The following TSHZ3 variants were observed in gnomAD, a reference collection of about 807,000 sequenced individuals.
TSHZ3 encodes teashirt zinc finger homeobox 3.
Under a neutral mutation model 64.5 loss-of-function variants are expected in TSHZ3, and 10 were observed. The observed-to-expected ratio is 0.16, with a 90% CI of 0.10 to 0.26. The LOEUF (loss-of-function observed/expected upper bound fraction) is 0.26. Ranked by LOEUF, TSHZ3 falls within the 10% of genes least tolerant of loss-of-function variation. The pLI, the probability that TSHZ3 is intolerant of heterozygous loss-of-function variation, is 1.00. For missense variants in TSHZ3, 1,242 were observed against 1,421.7 expected (o/e 0.87, Z 2.03); for synonymous variants, 608 against 593.1 (o/e 1.03, Z -0.36).
At chr19:31,169,247 T>C (rs1393404502) in intron 5 of TSHZ3, among the ~76,000 whole-genome samples, 5 of 152,142 alleles carry the variant, frequency 3.3e-5, no homozygotes, top group Non-Finnish European at 7.4e-5. Context: ...ATATTAAACA[T>C]AGAATAACCA....
chr19:31,161,586 G>A (rs149799504), intron 5 of TSHZ3, among the ~76,000 whole-genome samples: 1 of 152,112 alleles, frequency 6.6e-6, no homozygotes, highest in Non-Finnish European at 1.5e-5. Flanking sequence ...CATAAGAGAT[G>A]TTCTCTGAGT....
chr19:31,153,189 T>C (rs908663558), intron 6 of TSHZ3, among the ~76,000 whole-genome samples: 1 of 152,170 alleles, frequency 6.6e-6, no homozygotes, highest in Non-Finnish European at 1.5e-5. Flanking sequence ...CCGTGTGACA[T>C]AAGATACTGA....
chr19:31,209,494 G>A (rs1975232666), intron 4 of TSHZ3, among the ~76,000 whole-genome samples: 1 of 152,132 alleles, frequency 6.6e-6, no homozygotes, highest in Admixed American at 6.5e-5. Flanking sequence ...CCCTAAGTGG[G>A]GATACTAGGA....
chr19:31,336,189 A>G (rs1020307214), intron 1 of TSHZ3, among the ~76,000 whole-genome samples: 2 of 152,224 alleles, frequency 1.3e-5, no homozygotes, highest in African/African-American at 4.8e-5. Context: ...AACTCCAGAT[A>G]TGCCACTTTC....
chr19:31,226,977 C>CTTTTTTT lies in TSHZ3; in HGVS notation n.686+1021_686+1027dup, dbSNP rs3030229. On this transcript the variant is annotated intron_variant and non_coding_transcript_variant, in intron 4 of 6. Transcript: ENST00000651361. ...TTTTCTTCTCTTTCTTTCTTTCTTT[C>CTTTTTTT]TTTTTTTTTTTTTTTTTTTGAGATG... 4.0e-3 allele frequency among the ~76,000 whole-genome samples: 260 copies of CTTTTTTT among 65,608 alleles called. 15 individuals are homozygous for CTTTTTTT. Among genetic ancestry groups the CTTTTTTT allele is most frequent in the African/African-American group, 0.012 (124 of 10,306 alleles). The allele number at this position is 65,608 out of a possible 152,430, so 43.0% of individuals were successfully genotyped here.
chr19:31,180,118 T>A (rs1268050022), intron 5 of TSHZ3, among the ~76,000 whole-genome samples: 2 of 152,168 alleles, frequency 1.3e-5, no homozygotes, highest in Non-Finnish European at 2.9e-5. Flanking sequence ...TACCCCTCTG[T>A]GAGCTCCTCT....
chr19:31,155,140 C>T (rs1974289724), intron 6 of TSHZ3, among the ~76,000 whole-genome samples: 1 of 152,220 alleles, frequency 6.6e-6, no homozygotes. Flanking sequence ...CAATCACCTG[C>T]ACTGTCTCCA....
At position 31,198,482 on chromosome 19, in the gene TSHZ3, G is replaced by A. The variant is rs549394135; in HGVS notation, n.809+6474C>T. Among the ~76,000 whole-genome samples, 3 of 151,928 alleles carry A rather than the reference G, an allele frequency of 2.0e-5. No individual in the cohort carries two copies. The South Asian group carries it at 6.2e-4, about 32-fold the overall frequency. On this transcript the variant is annotated intron_variant and non_coding_transcript_variant, in intron 5 of 6. Coordinates refer to the TSHZ3 transcript ENST00000651361. ...AAATAAAATATATAAATGATGGGAA[G>A]GAGGAAATGAAATTGTCTTTTTCAC...
At chr19:31,274,705 T>C (rs1406474864), downstream of TSHZ3, among the ~76,000 whole-genome samples, 5 of 151,878 alleles carry the variant, frequency 3.3e-5, no homozygotes, top group Non-Finnish European at 7.4e-5. Flanking sequence ...CATATCTTCC[T>C]TTCTTGTGAA....
intron 1 of TSHZ3, among the ~76,000 whole-genome samples, chr19:31,305,996 C>T (rs1916279760): frequency 6.6e-6 from 1 of 152,130 alleles, no homozygotes; most frequent in Non-Finnish European, 1.5e-5. Context: ...AGCATGATCA[C>T]AGATTTGTTT....
chr19:31,265,411 AAAAAAAAAAGAAAGAAAG>A (rs2145201979), intron 1 of TSHZ3, among the ~76,000 whole-genome samples: 1 of 150,018 alleles, frequency 6.7e-6, no homozygotes, highest in East Asian at 1.9e-4. Flanking sequence ...AAAAAAAAAA[AAAAAAAAAAGAAAGAAAG>A]AAAGAAAAAG....
At chr19:31,347,786 T>C (rs939212037) in intron 1 of TSHZ3, among the ~76,000 whole-genome samples, 2 of 152,112 alleles carry the variant, frequency 1.3e-5, no homozygotes, top group African/African-American at 4.8e-5. Flanking sequence ...GCAAGTACAT[T>C]TCTGGGAGAA....
chr19:31,200,614 G>A (rs1209141811), intron 5 of TSHZ3, among the ~76,000 whole-genome samples: 1 of 152,166 alleles, frequency 6.6e-6, no homozygotes, highest in Non-Finnish European at 1.5e-5. Context: ...AGGATATTTA[G>A]GGGAGTGAAA....
At chr19:31,196,282 A>G (rs527938794) in intron 5 of TSHZ3, among the ~76,000 whole-genome samples, 1 of 152,104 alleles carries the variant, frequency 6.6e-6, no homozygotes, top group African/African-American at 2.4e-5. Context: ...TATATTGCAA[A>G]CTCTATGGCA....
At chr19:31,244,499 C>A (rs1975734235) in intron 1 of TSHZ3, among the ~76,000 whole-genome samples, 1 of 152,148 alleles carries the variant, frequency 6.6e-6, no homozygotes, top group Admixed American at 6.5e-5. Flanking sequence ...ATAAATTGCC[C>A]ACTCTCAGGT....
upstream of TSHZ3, among the ~76,000 whole-genome samples, chr19:31,350,562 T>A (rs1455513256): frequency 6.6e-6 from 1 of 150,950 alleles, no homozygotes; most frequent in African/African-American, 2.4e-5. Flanking sequence ...CGCCGCGCCG[T>A]GTCCCGCGCC....
chr19:31,163,156 G>A lies in TSHZ3; in HGVS notation n.810-6739C>T, dbSNP rs117661883. Among the ~76,000 whole-genome samples the A allele has an allele frequency of 2.2e-3, 332 of 152,272 alleles. 9 individuals are homozygous for A. In the East Asian group the frequency reaches 0.058, roughly 27 times the overall value. ...CTTACAGAAAGGATAAGCTTTGTTG[G>A]AAAAGAATGTAATCTTTGGCCTATT... is the stretch of plus-strand genomic sequence containing the variant. On this transcript the variant is annotated intron_variant and non_coding_transcript_variant, in intron 5 of 6. Coordinates refer to the TSHZ3 transcript ENST00000651361.
At chr19:31,226,834 G>C (rs1042636154) in intron 4 of TSHZ3, among the ~76,000 whole-genome samples, 10 of 151,872 alleles carry the variant, frequency 6.6e-5, no homozygotes, top group Admixed American at 5.9e-4. Context: ...TAAATTTTAA[G>C]GTCACATATA....
chr19:31,311,970 C>T (rs765980891), intron 1 of TSHZ3, among the ~76,000 whole-genome samples: 11 of 152,166 alleles, frequency 7.2e-5, no homozygotes, highest in Admixed American at 1.3e-4. Context: ...GTGATCCGCC[C>T]GCCTCAACCT....
Sources: gnomAD v4.1 joint callset for allele counts (sites outside exome capture counted in the v4.1 genomes callset) on GRCh38, gnomAD v4.1.1 for gene constraint, MANE v1.5 for transcripts, NCBI Gene and HGNC (gene_info 2026-07-23, HGNC 2026-07-21) for gene names.